PDE4D: variants seen among roughly 807,000 people sequenced by gnomAD.
The protein encoded by PDE4D is 3',5'-cyclic-AMP phosphodiesterase 4D.
PDE4D carries 24 observed loss-of-function variants against 87.4 expected under a neutral mutation model. The observed-to-expected ratio is 0.27, with a 90% CI of 0.20 to 0.39. The LOEUF (loss-of-function observed/expected upper bound fraction) is 0.39, where lower values mean the gene tolerates loss of function less well. PDE4D is among the 10% of genes least tolerant of loss of function. PDE4D has a pLI of 1.00. For synonymous variants in PDE4D, 384 were observed against 383.2 expected, an observed-to-expected ratio of 1.00 and a Z score of -0.02; for missense variants, 714 against 1,041.0, an observed-to-expected ratio of 0.69 and a Z score of 4.32.
At chr5:59,361,843 T>C (rs1272364395) in intron 1 of PDE4D, among the ~76,000 whole-genome samples, 1 of 152,212 alleles carries the variant, frequency 6.6e-6, no homozygotes, top group Non-Finnish European at 1.5e-5. Flanking sequence ...AGATGGAGCA[T>C]TTACATTATA....
At position 60,459,649 on chromosome 5, in the gene PDE4D, T is replaced by A. The variant is rs572597095; in HGVS notation, c.-90+28293A>T. ...CAGTTTTTGTTCAGACAGAAAGGGA[T>A]AAAAATGAATTTCAAACAGAAAGGC... is the stretch of plus-strand genomic sequence containing the variant. On this transcript the variant is annotated intron_variant, in intron 1 of 16. Transcript: ENST00000502484. 2.0e-5 allele frequency among the ~76,000 whole-genome samples: 3 copies of A among 152,112 alleles called. No individual in the cohort carries two copies. In the East Asian group the frequency reaches 5.8e-4, roughly 29 times the overall value.
intron 1 of PDE4D, among the ~76,000 whole-genome samples, chr5:59,340,148 GCA>G (rs1778463128): frequency 6.6e-6 from 1 of 152,076 alleles, no homozygotes; most frequent in African/African-American, 2.4e-5. Flanking sequence ...CTAGAAACAA[GCA>G]CAGAGTGAAC....
chr5:59,912,903 T>C (rs899041679), intron 3 of PDE4D, among the ~76,000 whole-genome samples: 2 of 152,152 alleles, frequency 1.3e-5, no homozygotes, highest in Non-Finnish European at 2.9e-5. Flanking sequence ...ATAAGAGATA[T>C]GCTAGTAGGT....
At chr5:59,448,545 T>C (rs139004196) in intron 1 of PDE4D, among the ~76,000 whole-genome samples, 1 of 152,362 alleles carries the variant, frequency 6.6e-6, no homozygotes, top group East Asian at 1.9e-4. Context: ...GAACACTCTT[T>C]TGCAGTGGTA....
intron 1 of PDE4D, among the ~76,000 whole-genome samples, chr5:59,465,710 C>T (rs150538910): frequency 1.3e-5 from 2 of 152,076 alleles, no homozygotes; most frequent in Non-Finnish European, 2.9e-5. Flanking sequence ...CATCTGCACA[C>T]CTCTGTGATA....
intron 5 of PDE4D, among the ~76,000 whole-genome samples, chr5:59,153,230 G>C (rs547305794): frequency 2.0e-5 from 3 of 152,148 alleles, no homozygotes; most frequent in African/African-American, 7.2e-5. Flanking sequence ...CTCTCCAGTA[G>C]CAGCGGGTGA....
At chr5:59,149,451 G>A (rs531426456) in intron 5 of PDE4D, among the ~76,000 whole-genome samples, 1 of 152,212 alleles carries the variant, frequency 6.6e-6, no homozygotes, top group Non-Finnish European at 1.5e-5. Flanking sequence ...CAGAGAAGCT[G>A]GCTGCAGCAT....
At chr5:60,071,180 C>G (rs139495589) in intron 2 of PDE4D, among the ~76,000 whole-genome samples, 1 of 151,714 alleles carries the variant, frequency 6.6e-6, no homozygotes, top group East Asian at 1.9e-4. Flanking sequence ...TTGAATTTTC[C>G]GTTTCATGTA....
At chr5:59,762,139 T>C (rs1762048477) in intron 1 of PDE4D, among the ~76,000 whole-genome samples, 1 of 151,868 alleles carries the variant, frequency 6.6e-6, no homozygotes. Flanking sequence ...GGTATATAGA[T>C]ATATATATGT....
At chr5:59,418,348 AT>A (rs1056089085) in intron 1 of PDE4D, among the ~76,000 whole-genome samples, 35 of 151,860 alleles carry the variant, frequency 2.3e-4, no homozygotes, top group African/African-American at 7.7e-4. Context: ...ACCACACTCA[AT>A]TTTTTTTCTA....
chr5:58,975,727 C>T lies in PDE4D; in HGVS notation c.1943G>A (p.Arg648Gln), dbSNP rs941039861. The change falls in exon 14 of 15, where the codon CGA (arginine) becomes CAA (glutamine). Residue 648 changes from arginine to glutamine, a missense_variant. Physicochemically the swap from Arg to Gln is conservative, Grantham distance 43. Transcript: ENST00000340635. The surrounding 1 kb of genome is among the most constrained non-coding windows in gnomAD (Gnocchi z 4.2). Reference sequence around the variant, plus strand: ...TATCTCCATGCCACGTTCCCTCTCTCGGTCTCCTTGGCGGAAGAACTCCTC... The same window carrying T: ...TATCTCCATGCCACGTTCCCTCTCTTGGTCTCCTTGGCGGAAGAACTCCTC... Reference protein sequence around the residue: ...IMEEFFRQGDRERERGMEISP... With the variant: ...IMEEFFRQGDQERERGMEISP... 4 of 1,613,344 alleles carry T rather than the reference C, an allele frequency of 2.5e-6. No individual in the cohort carries two copies. The highest frequency in any genetic ancestry group is 1.3e-5 in the African/African-American group (1 of 74,988).
Position 58,973,487 on chromosome 5 carries a change from TAGAA to T in PDE4D, c.*1173_*1176del, listed in dbSNP as rs1184393156. ...TTAGAGCATGAAATGTGTGGATTAT[TAGAA>T]AGACATGCACTTGTGAAATGAACAT... On this transcript the variant is annotated 3_prime_UTR_variant, in exon 15 of 15. Coordinates refer to ENST00000340635, the MANE Select transcript of PDE4D (RefSeq NM_001104631.2). The T allele has an allele frequency of 6.6e-6, 1 of 152,626 alleles. No individual in the cohort carries two copies. The highest frequency in any genetic ancestry group is 1.5e-5 in the Non-Finnish European group (1 of 68,034). The allele number at this position is 152,626 out of a possible 1,614,324, so 9.5% of individuals were successfully genotyped here.
At chr5:59,163,107 CTTTTT>C (rs534025246) in intron 5 of PDE4D, among the ~76,000 whole-genome samples, 1 of 129,836 alleles carries the variant, frequency 7.7e-6, no homozygotes, top group Non-Finnish European at 1.6e-5. Context: ...TGCCTGGCTA[CTTTTT>C]TTTTTTTTTT....
chr5:60,354,100 G>GA (rs1209447414), intron 1 of PDE4D, among the ~76,000 whole-genome samples: 1 of 152,114 alleles, frequency 6.6e-6, no homozygotes, highest in Non-Finnish European at 1.5e-5. Flanking sequence ...ACAGAAATAT[G>GA]AAAAATGTTC....
rs757103609 is a variant in PDE4D at position 59,215,920 on chromosome 5, G to A, written c.504C>T (p.Pro168=). The change falls in exon 2 of 15, where the codon CCC becomes CCT. Residue 168 remains proline (P), a synonymous_variant. Transcript: ENST00000340635. ...TTAGCCCGGATCCTGGGCTGGTCAT[G>A]GGATCCAAGGGACTCCGTCCCGCAG... ...GTSAGRSPLD[P]MTSPGSGLIL... is the part of the protein sequence containing the mutation. The A allele has an allele frequency of 9.3e-6, 15 of 1,613,108 alleles. No homozygotes were observed. Among genetic ancestry groups the A allele is most frequent in the Non-Finnish European group, 1.3e-5 (15 of 1,179,424 alleles).
upstream of PDE4D, among the ~76,000 whole-genome samples, chr5:59,898,461 C>A (rs1446448374): frequency 6.6e-6 from 1 of 152,150 alleles, no homozygotes; most frequent in African/African-American, 2.4e-5. Flanking sequence ...GCTGGAAGAA[C>A]ATTCAACCCT....
chr5:60,227,526 G>C (rs1745259593), intron 1 of PDE4D, among the ~76,000 whole-genome samples: 1 of 150,104 alleles, frequency 6.7e-6, no homozygotes, highest in South Asian at 2.1e-4. Context: ...AGGGTAGAAG[G>C]GAGGGAAGGG....
At chr5:60,237,484 CATT>C (rs1746557150) in intron 1 of PDE4D, among the ~76,000 whole-genome samples, 1 of 151,982 alleles carries the variant, frequency 6.6e-6, no homozygotes, top group Non-Finnish European at 1.5e-5. Flanking sequence ...GGATCAAAGA[CATT>C]ATGCTGTGTA....
At chr5:59,298,113 CTTT>C (rs759820053) in intron 1 of PDE4D, among the ~76,000 whole-genome samples, 9 of 112,994 alleles carry the variant, frequency 8.0e-5, no homozygotes, top group Admixed American at 9.4e-5. Flanking sequence ...ACAAGTGAAA[CTTT>C]TTTTTTTTTT....
Sources: allele counts gnomAD v4.1 joint callset (sites outside exome capture counted in the v4.1 genomes callset), GRCh38; gene constraint gnomAD v4.1.1; non-coding constraint Gnocchi (gnomAD v3.1); transcripts MANE v1.5; gene names NCBI Gene and HGNC (gene_info 2026-07-23, HGNC 2026-07-21).